The following BMAL2 variants were observed in gnomAD, a reference collection of about 807,000 sequenced individuals.
BMAL2 encodes the protein basic helix-loop-helix ARNT like 2.
the BMAL2 span, among the ~76,000 whole-genome samples, chr12:27,394,222 A>G: frequency 6.6e-6 from 1 of 152,136 alleles, no homozygotes; most frequent in Non-Finnish European, 1.5e-5. Flanking sequence ...GTGAGCCACC[A>G]TGCCTGACTA....
chr12:27,367,681 A>G, the BMAL2 span, among the ~76,000 whole-genome samples: 1 of 152,122 alleles, frequency 6.6e-6, no homozygotes, highest in South Asian at 2.1e-4. Flanking sequence ...ACAAATGCTT[A>G]TTTAATTAAT....
chr12:27,334,712 A>G, the BMAL2 span, among the ~76,000 whole-genome samples: 2 of 152,234 alleles, frequency 1.3e-5, no homozygotes, highest in East Asian at 1.9e-4. Flanking sequence ...TTGCATACCA[A>G]ATGTAAAGCT....
chr12:27,408,292 A>G, the BMAL2 span, among the ~76,000 whole-genome samples: 3 of 152,238 alleles, frequency 2.0e-5, no homozygotes, highest in African/African-American at 7.2e-5. Context: ...CACAACAAAA[A>G]AAGAGAATTT....
the BMAL2 span, chr12:27,424,316 A>C: frequency 6.6e-6 from 1 of 152,228 alleles, no homozygotes; most frequent in Non-Finnish European, 1.5e-5. Flanking sequence ...ACAAGTCTCT[A>C]TCCATGTTAC....
chr12:27,404,232 T>C, the BMAL2 span, among the ~76,000 whole-genome samples: 1 of 140,802 alleles, frequency 7.1e-6, no homozygotes, highest in African/African-American at 2.6e-5. Context: ...TTTTTTGGAA[T>C]CCAACAGATT....
the BMAL2 span, chr12:27,333,250 G>A: frequency 1.2e-6 from 1 of 842,746 alleles, no homozygotes; most frequent in Non-Finnish European, 1.5e-6. Flanking sequence ...TCGCCTCCGA[G>A]GGGCGGTGGG....
At chr12:27,366,472 T>A in the BMAL2 span, among the ~76,000 whole-genome samples, 1 of 152,198 alleles carries the variant, frequency 6.6e-6, no homozygotes, top group African/African-American at 2.4e-5. Context: ...ATTTTCAATC[T>A]GTGTTATTAG....
the BMAL2 span, among the ~76,000 whole-genome samples, chr12:27,340,868 G>T: frequency 1.3e-5 from 2 of 152,000 alleles, no homozygotes; most frequent in Non-Finnish European, 2.9e-5. Flanking sequence ...TTTTTGTGGT[G>T]GTTAAGAATG....
At chr12:27,396,452 A>G in the BMAL2 span, among the ~76,000 whole-genome samples, 4 of 152,360 alleles carry the variant, frequency 2.6e-5, no homozygotes, top group South Asian at 2.1e-4. Flanking sequence ...TAATTTTTCT[A>G]AAGTCACATA....
the BMAL2 span, among the ~76,000 whole-genome samples, chr12:27,420,039 A>ACG: frequency 6.6e-6 from 1 of 151,804 alleles, no homozygotes; most frequent in East Asian, 1.9e-4. Flanking sequence ...ACACACACAC[A>ACG]CACACACACA....
the BMAL2 span, chr12:27,370,270 T>C: frequency 1.4e-6 from 2 of 1,464,814 alleles, no homozygotes; most frequent in Non-Finnish European, 1.9e-6. Context: ...TCTCCCCTAC[T>C]TGAAGAGGGC....
At chr12:27,366,976 C>T in the BMAL2 span, among the ~76,000 whole-genome samples, 1 of 152,190 alleles carries the variant, frequency 6.6e-6, no homozygotes, top group Non-Finnish European at 1.5e-5. Context: ...TTCTGAGACT[C>T]CCCAGTGGAT....
the BMAL2 span, among the ~76,000 whole-genome samples, chr12:27,418,913 A>G: frequency 6.6e-6 from 1 of 150,916 alleles, no homozygotes; most frequent in African/African-American, 2.4e-5. Context: ...TGGGAAGTGG[A>G]GGTTGCAGTG....
the BMAL2 span, among the ~76,000 whole-genome samples, chr12:27,367,839 T>G: frequency 6.6e-6 from 1 of 151,886 alleles, no homozygotes; most frequent in Non-Finnish European, 1.5e-5. Context: ...TGTATATATA[T>G]ATATATGTAT....
At chr12:27,344,538 C>T in the BMAL2 span, among the ~76,000 whole-genome samples, 1 of 152,206 alleles carries the variant, frequency 6.6e-6, no homozygotes, top group Non-Finnish European at 1.5e-5. Context: ...TGAACTCCAG[C>T]ACAGACGGAC....
the BMAL2 span, chr12:27,333,173 C>T: frequency 1.7e-6 from 2 of 1,193,128 alleles, no homozygotes; most frequent in Non-Finnish European, 2.1e-6. Context: ...GGGGCGTCCC[C>T]GCGACGCCAG....
the BMAL2 span, among the ~76,000 whole-genome samples, chr12:27,369,301 G>GA: frequency 6.6e-6 from 1 of 151,636 alleles, no homozygotes; most frequent in Non-Finnish European, 1.5e-5. Flanking sequence ...TTTTTTGGTG[G>GA]GGGGGGTGGT....
chr12:27,399,431 G>A, the BMAL2 span, among the ~76,000 whole-genome samples: 2 of 152,166 alleles, frequency 1.3e-5, no homozygotes, highest in Admixed American at 6.5e-5. Flanking sequence ...GCTCCATCCT[G>A]TACCTGGTGT....
At chr12:27,407,738 AAGATC>A in the BMAL2 span, among the ~76,000 whole-genome samples, 4 of 152,324 alleles carry the variant, frequency 2.6e-5, no homozygotes, top group African/African-American at 9.6e-5. Context: ...AGAAATAACT[AAGATC>A]AGAGCAGAAC....
Sources: allele counts gnomAD v4.1 joint callset (sites outside exome capture counted in the v4.1 genomes callset), GRCh38; gene constraint gnomAD v4.1.1; transcripts MANE v1.5; gene names NCBI Gene and HGNC (gene_info 2026-07-23, HGNC 2026-07-21).